Variants in SETMAR observed in about 807,000 individuals in gnomAD.
The protein encoded by SETMAR is histone-lysine N-methyltransferase SETMAR.
SETMAR carries 44 observed loss-of-function variants against 58.4 expected under a neutral mutation model. That is an observed-to-expected ratio of 0.75 (90% CI 0.59 to 0.97). SETMAR has a LOEUF of 0.97. SETMAR is among the 50% of genes least tolerant of loss of function. The pLI is 0.00. For missense variants in SETMAR, 903 were observed against 840.2 expected (o/e 1.07, Z -0.92); for synonymous variants, 332 against 307.4 (o/e 1.08, Z -0.84).
rs974455989 is a variant in SETMAR, at chr3:4,313,320, T to C, written c.579T>C (p.Ile193=). The change falls in exon 2 of 3, where the codon ATT becomes ATC. Residue 193 remains isoleucine, a synonymous_variant. Coordinates refer to ENST00000358065, the MANE Select transcript of SETMAR (RefSeq NM_006515.4). ...HLQTKSDSNY[I]IAIREHVYNG... is the part of the protein sequence containing the mutation. ...AAACAAAATCCGACTCCAATTACAT[T>C]ATAGCCATCAGGGAACATGTTTATA... 6.2e-7 allele frequency: 1 copy of C among 1,613,896 alleles called. No homozygotes were observed. Among genetic ancestry groups the C allele is most frequent in the Non-Finnish European group, 8.5e-7 (1 of 1,179,968 alleles).
chr3:4,316,216 T>C lies in SETMAR; in HGVS notation c.1025T>C (p.Met342Thr), dbSNP rs1254229240. 7 of 700,316 alleles carry C rather than the reference T, an allele frequency of 1.0e-5. No homozygotes were observed. The highest frequency in any genetic ancestry group is 1.5e-5 in the Non-Finnish European group (6 of 387,872). 43.4% of individuals were successfully genotyped at this position (700,316 alleles called of 1,614,324 possible). Residue 342 changes from methionine to threonine, a missense_variant, in exon 3 of 3, where the codon ATG becomes ACG. Coordinates refer to ENST00000358065, the MANE Select transcript of SETMAR (RefSeq NM_006515.4). ...PSCKRLTLETMKMMLDKKQIR... is the reference protein window; with the variant it reads ...PSCKRLTLETTKMMLDKKQIR... ...TGCTGTTTATGTTTATTTTAGACTATGAAAATGATGTTAGACAAAAAGCAA... is the reference window on the plus strand; with the variant it reads ...TGCTGTTTATGTTTATTTTAGACTACGAAAATGATGTTAGACAAAAAGCAA...
At chr3:4,303,747 C>T in intron 1 of SETMAR, 1 of 1,484,116 alleles carries the variant, frequency 6.7e-7, no homozygotes, top group Non-Finnish European at 9.1e-7. Flanking sequence ...CAGTCCATTC[C>T]CTGAAGCGCA....
chr3:4,308,550 A>G (rs1464899872), intron 1 of SETMAR, among the ~76,000 whole-genome samples: 1 of 152,246 alleles, frequency 6.6e-6, no homozygotes, highest in Non-Finnish European at 1.5e-5. Flanking sequence ...AAATTTCATG[A>G]TAGCCACCCC....
chr3:4,303,547 C>G, intron 1 of SETMAR, 21 bp downstream of exon 1: 2 of 1,347,936 alleles, frequency 1.5e-6, no homozygotes, highest in Non-Finnish European at 1.9e-6. Flanking sequence ...GGCCAGGCGG[C>G]GCGGGAGGCG....
chr3:4,317,112 A>G lies in SETMAR; in HGVS notation c.1921A>G (p.Asn641Asp). The G allele has an allele frequency of 1.3e-6, 2 of 1,545,618 alleles. No individual in the cohort carries two copies. The highest frequency in any genetic ancestry group is 1.7e-6 in the Non-Finnish European group (2 of 1,143,206). The change falls in exon 3 of 3, where the codon AAC (asparagine) becomes GAC (aspartate). Residue 641 changes from asparagine (N) to aspartate (D), a missense_variant. Transcript: ENST00000358065. ...NNFLQGKRFH[N>D]QQDAENAFQE... The stretch of plus-strand genomic sequence containing the variant: ...CTTTTTGCAGGGAAAACGCTTCCAC[A>G]ACCAGCAGGATGCAGAAAATGCTTT...
rs1477380747 is a variant in SETMAR, at chr3:4,316,920, T to C, written c.1729T>C (p.Leu577=). The change falls in exon 3 of 3, where the codon TTG becomes CTG. Residue 577 remains leucine (L), a synonymous_variant. Coordinates refer to ENST00000358065, the MANE Select transcript of SETMAR (RefSeq NM_006515.4). The part of the protein sequence containing the change: ...NQKLQRLQLA[L]VNRKGPILLH... ...AAAACTGCAACGCCTGCAGCTGGCATTGGTCAACAGAAAGGGCCCAATTCT... is the reference window on the plus strand; with the variant it reads ...AAAACTGCAACGCCTGCAGCTGGCACTGGTCAACAGAAAGGGCCCAATTCT... The C allele has an allele frequency of 1.2e-5, 18 of 1,549,356 alleles. No homozygotes were observed. The highest frequency in any genetic ancestry group is 2.0e-5 in the Admixed American group (1 of 50,982).
intron 2 of SETMAR, among the ~76,000 whole-genome samples, chr3:4,315,231 TTGTATCCC>T (rs1375150913): frequency 6.6e-6 from 1 of 152,208 alleles, no homozygotes; most frequent in African/African-American, 2.4e-5. Flanking sequence ...ATAAGGCAGC[TTGTATCCC>T]TCACTCCAAA....
intron 2 of SETMAR, among the ~76,000 whole-genome samples, chr3:4,314,879 C>T (rs911070031): frequency 2.0e-5 from 3 of 152,148 alleles, no homozygotes; most frequent in Admixed American, 2.0e-4. Flanking sequence ...TACATTTAAA[C>T]CCTACCACTA....
chr3:4,310,234 G>C (rs1312575517), intron 1 of SETMAR, among the ~76,000 whole-genome samples: 1 of 152,150 alleles, frequency 6.6e-6, no homozygotes, highest in Non-Finnish European at 1.5e-5. Context: ...TATTTGAATA[G>C]AATGTTAGGA....
At position 4,306,143 on chromosome 3, in the gene SETMAR, C is replaced by CGT. The variant is rs1445131748; in HGVS notation, c.156+2627_156+2628dup. ...GATTAGCTTCAATATTCCTGCCGTG[C>CGT]GTGTGTGTGTGCGTTTGAGACTATT... On this transcript the variant is annotated intron_variant, in intron 1 of 2. Transcript: ENST00000358065. Among the ~76,000 whole-genome samples the CGT allele has an allele frequency of 5.9e-5, 9 of 152,174 alleles. No homozygotes were observed. The East Asian group carries it at 7.7e-4, about 13-fold the overall frequency.
At chr3:4,312,703 T>TAAA (rs375529794) in intron 1 of SETMAR, among the ~76,000 whole-genome samples, 195 bp from the exon 2 acceptor site, 3,496 of 135,832 alleles carry the variant, frequency 0.026, 138 homozygotes, top group African/African-American at 0.075. Flanking sequence ...CCCTGTCTCT[T>TAAA]AAAAAAAAAA....
At chr3:4,310,281 C>CT (rs773532960) in intron 1 of SETMAR, among the ~76,000 whole-genome samples, 16 of 152,094 alleles carry the variant, frequency 1.1e-4, no homozygotes, top group Non-Finnish European at 1.9e-4. Context: ...TAATAAATAG[C>CT]TTTTCAATAT....
chr3:4,304,577 A>G (rs55927134), intron 1 of SETMAR, among the ~76,000 whole-genome samples: 1 of 152,160 alleles, frequency 6.6e-6, no homozygotes. Flanking sequence ...CATCTTAGCT[A>G]CTTCCCAGAG....
intron 1 of SETMAR, among the ~76,000 whole-genome samples, chr3:4,305,174 C>T (rs1167431732): frequency 6.6e-6 from 1 of 152,102 alleles, no homozygotes; most frequent in Non-Finnish European, 1.5e-5. Flanking sequence ...CAACCTCCGC[C>T]TCCCAGGTTC....
chr3:4,303,639 A>G (rs1575067274), intron 1 of SETMAR, 113 bp downstream of exon 1: 1 of 1,420,482 alleles, frequency 7.0e-7, no homozygotes, highest in Non-Finnish European at 9.2e-7. Context: ...CTTCTCTTAC[A>G]GCGCACCCGT....
At chr3:4,304,568 A>T (rs1021988482) in intron 1 of SETMAR, among the ~76,000 whole-genome samples, 2 of 152,234 alleles carry the variant, frequency 1.3e-5, no homozygotes, top group African/African-American at 4.8e-5. Context: ...GAGCTTAGAC[A>T]TCTTAGCTAC....
intron 1 of SETMAR, among the ~76,000 whole-genome samples, chr3:4,311,834 T>G (rs1397460819): frequency 2.0e-5 from 3 of 152,204 alleles, no homozygotes; most frequent in Non-Finnish European, 4.4e-5. Context: ...ATGGTTTGAG[T>G]TCTATGTAAG....
chr3:4,306,943 G>C (rs1357808959), intron 1 of SETMAR, among the ~76,000 whole-genome samples: 2 of 152,186 alleles, frequency 1.3e-5, no homozygotes, highest in African/African-American at 4.8e-5. Context: ...GCTAACAGTT[G>C]GATCTAACCA....
chr3:4,312,967 A>G lies in SETMAR; in HGVS notation c.226A>G (p.Ile76Val). 9.9e-6 allele frequency: 16 copies of G among 1,613,974 alleles called. No individual in the cohort carries two copies. The highest frequency in any genetic ancestry group is 1.3e-5 in the Non-Finnish European group (15 of 1,179,918). ...CACTCAAATAACCTTTCCCGGATGC[A>G]TTTGTGTCAAAACTCCCTGCCTCCC... ...DPTQITFPGC[I>V]CVKTPCLPGT... is the part of the protein sequence containing the mutation. Residue 76 changes from isoleucine to valine, a missense_variant, in exon 2 of 3, where the codon ATT becomes GTT. Coordinates refer to ENST00000358065, the MANE Select transcript of SETMAR (RefSeq NM_006515.4).
Sources: gnomAD v4.1 joint callset for allele counts (sites outside exome capture counted in the v4.1 genomes callset) on GRCh38, gnomAD v4.1.1 for gene constraint, MANE v1.5 for transcripts, NCBI Gene and HGNC (gene_info 2026-07-23, HGNC 2026-07-21) for gene names.